Variants in RALA observed in about 807,000 individuals in gnomAD.
RALA encodes ras-related protein Ral-A.
A neutral mutation model predicts 24.0 loss-of-function variants in RALA; 5 were observed. That is an observed-to-expected ratio of 0.21 (90% confidence interval 0.11 to 0.44). The LOEUF is 0.44. Ranked by LOEUF, RALA falls within the 20% of genes least tolerant of loss-of-function variation. The pLI, the probability that RALA is intolerant of heterozygous loss-of-function variation, is 0.99. For synonymous variants in RALA, 77 were observed against 83.8 expected (o/e 0.92, Z 0.44); for missense variants, 95 against 241.2 (o/e 0.39, Z 4.01).
chr7:39,700,836 C>T (rs948609553), intron 4 of RALA: 3 of 152,204 alleles, frequency 2.0e-5, no homozygotes, highest in African/African-American at 7.2e-5. Context: ...ATTTCATGTA[C>T]TGCTACATCC....
chr7:39,628,586 C>T (rs546557065), intron 1 of RALA, among the ~76,000 whole-genome samples: 4 of 152,214 alleles, frequency 2.6e-5, no homozygotes, highest in Non-Finnish European at 5.9e-5. Context: ...GACGGAGTCT[C>T]GCTCTTTCAC....
In RALA at chr7:39,702,570, G is replaced by A. The variant is rs1793047603; in HGVS notation, c.499-3553G>A. ...ATTTTCCTATTAATGACATTTATTTGTTACAGCAGTGTTCACAATAGCCAA... is the reference window on the plus strand; with the variant it reads ...ATTTTCCTATTAATGACATTTATTTATTACAGCAGTGTTCACAATAGCCAA... On this transcript the variant is annotated intron_variant, in intron 4 of 4. Coordinates refer to ENST00000005257, the MANE Select transcript of RALA (RefSeq NM_005402.4). 2.0e-5 allele frequency among the ~76,000 whole-genome samples: 3 copies of A among 152,044 alleles called. No individual in the cohort carries two copies. In the South Asian group the frequency reaches 6.2e-4, roughly 32 times the overall value.
intron 1 of RALA, among the ~76,000 whole-genome samples, chr7:39,660,102 T>G (rs938641993): frequency 2.6e-5 from 4 of 152,020 alleles, no homozygotes; most frequent in Admixed American, 1.3e-4. Context: ...TCCCAGCACT[T>G]TGGGAGGCCC....
At chr7:39,678,348 G>A (rs1792525676) in intron 1 of RALA, among the ~76,000 whole-genome samples, 2 of 152,132 alleles carry the variant, frequency 1.3e-5, no homozygotes, top group Admixed American at 1.3e-4. Flanking sequence ...AACATACAAG[G>A]GCAGGATTCC....
intron 1 of RALA, among the ~76,000 whole-genome samples, chr7:39,678,157 A>G (rs1281104381): frequency 6.6e-6 from 1 of 151,688 alleles, no homozygotes; most frequent in African/African-American, 2.4e-5. Flanking sequence ...ACTAACCTGC[A>G]CAATGTGCAC....
At chr7:39,655,304 T>G (rs1053055138) in intron 1 of RALA, among the ~76,000 whole-genome samples, 1 of 152,188 alleles carries the variant, frequency 6.6e-6, no homozygotes, top group East Asian at 1.9e-4. Flanking sequence ...AAAATTATGC[T>G]TACTGAAAGA....
At chr7:39,675,589 G>A (rs946873463) in intron 1 of RALA, among the ~76,000 whole-genome samples, 1 of 152,004 alleles carries the variant, frequency 6.6e-6, no homozygotes, top group African/African-American at 2.4e-5. Flanking sequence ...ATTAGCTGAG[G>A]GTGGTGCGTG....
intron 1 of RALA, among the ~76,000 whole-genome samples, chr7:39,632,827 A>C (rs1791620839): frequency 6.6e-6 from 1 of 152,172 alleles, no homozygotes; most frequent in Non-Finnish European, 1.5e-5. Flanking sequence ...ATTTTTAAAA[A>C]ATTAAATTTT....
At chr7:39,666,782 G>A (rs1016680188) in intron 1 of RALA, among the ~76,000 whole-genome samples, 5 of 152,208 alleles carry the variant, frequency 3.3e-5, no homozygotes, top group African/African-American at 9.6e-5. Context: ...TAAAAGAGCT[G>A]TAGTAAAGGT....
At chr7:39,647,136 G>T (rs558842766) in intron 1 of RALA, among the ~76,000 whole-genome samples, 18 of 152,032 alleles carry the variant, frequency 1.2e-4, no homozygotes, top group Non-Finnish European at 2.4e-4. Context: ...TCGACCTCCC[G>T]GGCTCGAGCA....
rs117490285 is a variant in RALA, at chr7:39,695,949, C to T, written c.324-736C>T. Reference sequence around the variant, plus strand: ...AACATTTTTTGAATATTTACTCTGTCGATGCAGTTATAAGCACTTCACATT... The same window carrying T: ...AACATTTTTTGAATATTTACTCTGTTGATGCAGTTATAAGCACTTCACATT... On this transcript the variant is annotated intron_variant, in intron 3 of 4. Coordinates refer to ENST00000005257, the MANE Select transcript of RALA (RefSeq NM_005402.4). Among the ~76,000 whole-genome samples, 115 of 152,214 alleles carry T rather than the reference C, an allele frequency of 7.6e-4. 2 individuals are homozygous for T. In the East Asian group the frequency reaches 0.017, roughly 23 times the overall value.
At chr7:39,682,086 T>A (rs1462644113) in intron 1 of RALA, among the ~76,000 whole-genome samples, 1 of 152,210 alleles carries the variant, frequency 6.6e-6, no homozygotes, top group East Asian at 1.9e-4. Context: ...GGCTCGGTCT[T>A]GAGCAAGTTG....
Position 39,669,265 on chromosome 7 carries a change from T to G in RALA, c.-37-17366T>G, listed in dbSNP as rs528604929. On this transcript the variant is annotated intron_variant, in intron 1 of 4. Coordinates refer to ENST00000005257, the MANE Select transcript of RALA (RefSeq NM_005402.4). ...TTTAAGATCTTTGAAGTCAAGGATC[T>G]TGACTTGCTCACCTATGAACCTATC... Among the ~76,000 whole-genome samples the G allele has an allele frequency of 7.2e-5, 11 of 152,308 alleles. No individual in the cohort carries two copies. In the East Asian group the frequency reaches 2.1e-3, roughly 29 times the overall value.
intron 4 of RALA, among the ~76,000 whole-genome samples, chr7:39,698,098 T>C (rs1437108133): frequency 6.6e-6 from 1 of 152,132 alleles, no homozygotes; most frequent in African/African-American, 2.4e-5. Flanking sequence ...CCTGATTTGC[T>C]GGATTTCCTT....
At chr7:39,683,000 A>C (rs781286463) in intron 1 of RALA, among the ~76,000 whole-genome samples, 9 of 152,072 alleles carry the variant, frequency 5.9e-5, no homozygotes, top group Non-Finnish European at 1.0e-4. Context: ...TTTGGGAAGT[A>C]ATTAGGATTA....
chr7:39,704,663 A>C (rs903995617), intron 4 of RALA, among the ~76,000 whole-genome samples: 24 of 150,538 alleles, frequency 1.6e-4, no homozygotes, highest in African/African-American at 5.6e-4. Flanking sequence ...AGGATTTGCT[A>C]TTTTGTTTTA....
chr7:39,634,606 A>T lies in RALA; in HGVS notation c.-38+10781A>T, dbSNP rs138187902. The stretch of plus-strand genomic sequence containing the variant: ...ACCAGCCCTAGTCATTTAATGTTTG[A>T]ATAATTGGTAACCTTCCCACTACCC... On this transcript the variant is annotated intron_variant, in intron 1 of 4. Transcript: ENST00000005257. Among the ~76,000 whole-genome samples the T allele has an allele frequency of 2.0e-3, 306 of 152,066 alleles. 1 individual carries two copies. Among genetic ancestry groups the T allele is most frequent in the African/African-American group, 6.9e-3 (287 of 41,468 alleles).
At chr7:39,690,010 C>T (rs1230783698) in intron 2 of RALA, among the ~76,000 whole-genome samples, 1 of 152,120 alleles carries the variant, frequency 6.6e-6, no homozygotes, top group Non-Finnish European at 1.5e-5. Flanking sequence ...AAAATATTGA[C>T]CTTTAAGTTA....
intron 1 of RALA, among the ~76,000 whole-genome samples, chr7:39,666,606 G>T (rs1291885821): frequency 6.6e-6 from 1 of 152,194 alleles, no homozygotes; most frequent in Non-Finnish European, 1.5e-5. Flanking sequence ...ATACTAAGAG[G>T]TTAACCTGAC....
Sources: gnomAD v4.1 joint callset for allele counts (sites outside exome capture counted in the v4.1 genomes callset) on GRCh38, gnomAD v4.1.1 for gene constraint, MANE v1.5 for transcripts, NCBI Gene and HGNC (gene_info 2026-07-23, HGNC 2026-07-21) for gene names.